Variants in MEIKIN observed in about 807,000 individuals in gnomAD.
MEIKIN encodes the protein meiosis-specific kinetochore protein.
At chr5:131,816,203 AGATGCAAATG>A (rs1773096580) in intron 12 of MEIKIN, among the ~76,000 whole-genome samples, 1 of 152,230 alleles carries the variant, frequency 6.6e-6, no homozygotes, top group South Asian at 2.1e-4. Context: ...TGGTTTAAGG[AGATGCAAATG>A]GATGCATAGT....
intron 9 of MEIKIN, among the ~76,000 whole-genome samples, chr5:131,864,139 G>A (rs1173401262): frequency 6.6e-6 from 1 of 152,100 alleles, no homozygotes; most frequent in South Asian, 2.1e-4. Context: ...CTTTTAAGTA[G>A]AGAATTTAAT....
intron 12 of MEIKIN, among the ~76,000 whole-genome samples, chr5:131,813,642 C>T (rs556918473): frequency 9.0e-4 from 137 of 151,882 alleles, no homozygotes; most frequent in African/African-American, 3.2e-3. Context: ...TTAGCCAGGA[C>T]GGTCTCGATC....
chr5:131,944,942 C>T, intron 2 of MEIKIN, 190 bp from the exon 3 acceptor site: 1 of 398,030 alleles, frequency 2.5e-6, no homozygotes, highest in Non-Finnish European at 4.4e-6. Flanking sequence ...ATTTATCTCA[C>T]TTCCTTTTAC....
intron 11 of MEIKIN, 111 bp from the exon 12 acceptor site, chr5:131,818,974 A>G: frequency 2.6e-6 from 1 of 384,608 alleles, no homozygotes; most frequent in Non-Finnish European, 4.6e-6. Context: ...AGATATTAAT[A>G]ACAGCAAGCA....
At chr5:131,847,855 A>T (rs912478277) in intron 11 of MEIKIN, among the ~76,000 whole-genome samples, 2 of 151,830 alleles carry the variant, frequency 1.3e-5, no homozygotes, top group African/African-American at 4.8e-5. Context: ...TGAAGTCATT[A>T]AAAAAAACCA....
At chr5:131,911,574 T>G (rs1358920691) in intron 8 of MEIKIN, among the ~76,000 whole-genome samples, 3 of 151,684 alleles carry the variant, frequency 2.0e-5, no homozygotes, top group African/African-American at 7.3e-5. Context: ...TAGTATGGAG[T>G]TCATATTCAT....
intron 12 of MEIKIN, among the ~76,000 whole-genome samples, chr5:131,817,339 C>T (rs767219822): frequency 6.6e-6 from 1 of 152,104 alleles, no homozygotes; most frequent in Non-Finnish European, 1.5e-5. Context: ...TGGCCGGGCA[C>T]GGTGGCTCAC....
At chr5:131,931,224 T>C (rs1435813078) in intron 5 of MEIKIN, among the ~76,000 whole-genome samples, 1 of 152,168 alleles carries the variant, frequency 6.6e-6, no homozygotes, top group Non-Finnish European at 1.5e-5. Context: ...CTTGTCAACA[T>C]TGTAAGACAG....
intron 8 of MEIKIN, among the ~76,000 whole-genome samples, chr5:131,909,609 T>G (rs745589209): frequency 5.3e-5 from 8 of 151,838 alleles, no homozygotes; most frequent in Non-Finnish European, 8.8e-5. Context: ...AAGGAAACAA[T>G]CAATAAAGTG....
chr5:131,917,240 A>G (rs555303619), intron 6 of MEIKIN, among the ~76,000 whole-genome samples: 3 of 152,176 alleles, frequency 2.0e-5, no homozygotes, highest in South Asian at 2.1e-4. Context: ...TATTATCCCC[A>G]TTTTACATAT....
At chr5:131,872,578 G>A (rs1750525606) in intron 9 of MEIKIN, among the ~76,000 whole-genome samples, 1 of 152,166 alleles carries the variant, frequency 6.6e-6, no homozygotes, top group South Asian at 2.1e-4. Context: ...CACTCTGCAG[G>A]ATATTATCCA....
chr5:131,928,999 G>A (rs1331172150), intron 5 of MEIKIN, among the ~76,000 whole-genome samples: 1 of 152,122 alleles, frequency 6.6e-6, no homozygotes, highest in Admixed American at 6.5e-5. Flanking sequence ...TCTAGTCATG[G>A]TAAATTCCCT....
chr5:131,873,966 A>T (rs1750559071), intron 9 of MEIKIN, among the ~76,000 whole-genome samples: 1 of 152,246 alleles, frequency 6.6e-6, no homozygotes, highest in South Asian at 2.1e-4. Context: ...GACACAACAT[A>T]CCAGAATCTC....
Position 131,892,096 on chromosome 5 carries a change from C to G in MEIKIN, c.704-13048G>C, listed in dbSNP as rs540201979. 5.6e-3 allele frequency among the ~76,000 whole-genome samples: 842 copies of G among 151,398 alleles called. 13 individuals are homozygous for G. The highest frequency in any genetic ancestry group is 0.02 in the African/African-American group (799 of 40,694). Reference sequence around the variant, plus strand: ...CTGCCAAGAGATCAGCTGTTAGTCTCATGGGCGTCCCTTTGTGGGTAACCC... The same window carrying G: ...CTGCCAAGAGATCAGCTGTTAGTCTGATGGGCGTCCCTTTGTGGGTAACCC... On this transcript the variant is annotated intron_variant, in intron 8 of 12. Transcript: ENST00000442687.
intron 8 of MEIKIN, among the ~76,000 whole-genome samples, chr5:131,887,776 T>A (rs1489685087): frequency 3.3e-5 from 5 of 151,942 alleles, no homozygotes; most frequent in Non-Finnish European, 7.4e-5. Context: ...GTTACATATG[T>A]ATACATGTGC....
At chr5:131,902,510 T>C (rs1168101824) in intron 8 of MEIKIN, among the ~76,000 whole-genome samples, 3 of 124,370 alleles carry the variant, frequency 2.4e-5, no homozygotes, top group Non-Finnish European at 4.8e-5. Flanking sequence ...TCTTGCTTCC[T>C]GTACATCATG....
chr5:131,819,765 A>ATTTTTTTTTTTTTTT (rs1167213249), intron 11 of MEIKIN, among the ~76,000 whole-genome samples: 2 of 64,576 alleles, frequency 3.1e-5, no homozygotes, highest in African/African-American at 1.6e-4. Flanking sequence ...ACATCCAGCT[A>ATTTTTTTTTTTTTTT]TTTTTTTTTT....
chr5:131,911,160 T>C (rs908410618), intron 8 of MEIKIN, among the ~76,000 whole-genome samples: 6 of 152,148 alleles, frequency 3.9e-5, no homozygotes, highest in Non-Finnish European at 8.8e-5. Context: ...TTAATTGTTT[T>C]ATACCTACAG....
intron 12 of MEIKIN, among the ~76,000 whole-genome samples, chr5:131,810,025 T>C (rs1772923571): frequency 6.6e-6 from 1 of 152,200 alleles, no homozygotes; most frequent in African/African-American, 2.4e-5. Context: ...ATTTTACAGA[T>C]AGGAGGCTAA....
Sources: allele counts gnomAD v4.1 joint callset (sites outside exome capture counted in the v4.1 genomes callset), GRCh38; gene constraint gnomAD v4.1.1; transcripts MANE v1.5; gene names NCBI Gene and HGNC (gene_info 2026-07-23, HGNC 2026-07-21).